The following SMG5 variants were observed in gnomAD, a reference collection of about 807,000 sequenced individuals.
The protein encoded by SMG5 is SMG5 nonsense mediated mRNA decay factor, also known as nonsense-mediated mRNA decay factor SMG5.
A neutral mutation model predicts 122.9 loss-of-function variants in SMG5; 53 were observed. The ratio of observed to expected loss-of-function variants is 0.43; its 90% confidence interval spans 0.35 to 0.54. SMG5 has a LOEUF of 0.54. SMG5 is among the 20% of genes least tolerant of loss of function. SMG5 has a pLI of 0.01. For missense variants in SMG5, 1,153 were observed against 1,285.6 expected (o/e 0.90, Z 1.58); for synonymous variants, 477 against 490.2 (o/e 0.97, Z 0.35).
intron 13 of SMG5, among the ~76,000 whole-genome samples, chr1:156,262,297 G>A (rs1661882487): frequency 6.6e-6 from 1 of 151,890 alleles, no homozygotes; most frequent in Non-Finnish European, 1.5e-5. Flanking sequence ...TGGCTAACAT[G>A]GTGAAACGCC....
At chr1:156,282,118 ATCGT>A (rs1470827551) in intron 1 of SMG5, among the ~76,000 whole-genome samples, 1 of 152,078 alleles carries the variant, frequency 6.6e-6, no homozygotes, top group Non-Finnish European at 1.5e-5. Flanking sequence ...TCCAATTCAA[ATCGT>A]TCTTTTTAAG....
At chr1:156,276,870 T>G (rs1662706785) in intron 4 of SMG5, among the ~76,000 whole-genome samples, 1 of 152,254 alleles carries the variant, frequency 6.6e-6, no homozygotes, top group Non-Finnish European at 1.5e-5. Flanking sequence ...CTCCTCTGCC[T>G]TAGTCCACAA....
intron 1 of SMG5, among the ~76,000 whole-genome samples, chr1:156,282,236 C>T (rs1662984144): frequency 6.6e-6 from 1 of 152,146 alleles, no homozygotes; most frequent in African/African-American, 2.4e-5. Context: ...TTGTAAATCC[C>T]CCAGGATTCC....
At chr1:156,271,577 T>C (rs1273239390) in intron 7 of SMG5, among the ~76,000 whole-genome samples, 1 of 143,460 alleles carries the variant, frequency 7.0e-6, no homozygotes, top group African/African-American at 2.6e-5. Flanking sequence ...TTTTTTTTTT[T>C]TTTTTTTTTT....
In SMG5 at chr1:156,282,736, C is replaced by T. The variant is rs900686695; in HGVS notation, c.-56G>A. Reference sequence around the variant, plus strand: ...ACAGGCCCCTGCCACCCACCACTACCGCCAACACTGCCGTCTCCGGCCGTA... The same window carrying T: ...ACAGGCCCCTGCCACCCACCACTACTGCCAACACTGCCGTCTCCGGCCGTA... On this transcript the variant is annotated 5_prime_UTR_variant, in exon 1 of 22. Coordinates refer to ENST00000361813, the MANE Select transcript of SMG5 (RefSeq NM_015327.3). 6 of 1,529,756 alleles carry T rather than the reference C, an allele frequency of 3.9e-6. No individual in the cohort carries two copies. In the African/African-American group the frequency reaches 5.5e-5, roughly 14 times the overall value. 94.8% of individuals were successfully genotyped at this position (1,529,756 alleles called of 1,614,324 possible). A position where few individuals can be genotyped will look rare whatever the true frequency, so the allele number is the denominator to read the frequency against.
rs1558239910 is a variant in SMG5, at chr1:156,267,456, A to G, written c.1117+14T>C. 2 of 1,613,124 alleles carry G rather than the reference A, an allele frequency of 1.2e-6. No homozygotes were observed. Among genetic ancestry groups the G allele is most frequent in the East Asian group, 4.5e-5 (2 of 44,880 alleles). ...AGCCAGTGGAAGAGAAAAGAGGAAC[A>G]TAGGGAAGGTTACCTGCTCTCTCCA... On this transcript the variant is annotated intron_variant, in intron 10 of 21. Transcript: ENST00000361813.
At chr1:156,252,743 T>G (rs887819326) in intron 18 of SMG5, among the ~76,000 whole-genome samples, 176 bp downstream of exon 18, 10 of 152,354 alleles carry the variant, frequency 6.6e-5, no homozygotes, top group Admixed American at 4.6e-4. Flanking sequence ...CCAACTGTCT[T>G]GTAAGGCAGA....
chr1:156,256,286 G>A (rs1265981799), intron 16 of SMG5, among the ~76,000 whole-genome samples: 2 of 149,978 alleles, frequency 1.3e-5, no homozygotes, highest in Admixed American at 1.3e-4. Context: ...GAAGGCCAGA[G>A]CCTAGGTGAG....
chr1:156,276,292 A>G (rs1662685384), intron 4 of SMG5, among the ~76,000 whole-genome samples: 1 of 151,902 alleles, frequency 6.6e-6, no homozygotes, highest in Non-Finnish European at 1.5e-5. Context: ...ATGCCCAGCT[A>G]ATTTTTATAT....
At position 156,263,580 on chromosome 1, in the gene SMG5, G is replaced by A. The variant is rs909849457; in HGVS notation, c.1856-10C>T. 6.2e-7 allele frequency: 1 copy of A among 1,610,154 alleles called. No individual in the cohort carries two copies. The highest frequency in any genetic ancestry group is 1.3e-5 in the African/African-American group (1 of 74,490). The stretch of plus-strand genomic sequence containing the variant: ...GAGCCCTCCTCAGAGGCTGGGGGGT[G>A]GGTGAATGGAAGAGAAAAAAACTGG... On this transcript the variant is annotated splice_polypyrimidine_tract_variant and intron_variant, in intron 12 of 21. Transcript: ENST00000361813.
At position 156,272,412 on chromosome 1, in the gene SMG5, G is replaced by C; in HGVS notation, c.635-14C>G. On this transcript the variant is annotated splice_polypyrimidine_tract_variant and intron_variant, in intron 6 of 21. Transcript: ENST00000361813. ...TGAAGGGCATTCCTAGGGAGAAAGA[G>C]AATTCATGCAGTCTAAGGCCACAAT... 1 of 1,592,822 alleles carries C rather than the reference G, an allele frequency of 6.3e-7. No homozygotes were observed.
At chr1:156,278,858 T>C in intron 2 of SMG5, 78 bp downstream of exon 2, 1 of 1,221,500 alleles carries the variant, frequency 8.2e-7, no homozygotes, top group Non-Finnish European at 1.2e-6. Flanking sequence ...AGAGTGCGTG[T>C]TTATATATCT....
Position 156,277,166 on chromosome 1 carries a change from G to T in SMG5, c.373C>A (p.Leu125Ile). 1.9e-6 allele frequency: 3 copies of T among 1,614,044 alleles called. No individual in the cohort carries two copies. The highest frequency in any genetic ancestry group is 1.7e-6 in the Non-Finnish European group (2 of 1,179,988). ...TAGTGGGACTGGATATAGAGAAGGA[G>T]ATGCTGGTAGAAGCCAATACCAGCA... ...LVAGIGFYQH[L>I]LLYIQSHYQL... Residue 125 changes from leucine (L) to isoleucine (I), a missense_variant, in exon 4 of 22, where the codon CTC (leucine) becomes ATC (isoleucine). Leu to Ile is a conservative substitution (Grantham distance 5). This residue lies in a region of SMG5 where 213 missense variants were observed against 197.5 expected (regional missense o/e 1.08). Transcript: ENST00000361813.
At position 156,250,053 on chromosome 1, in the gene SMG5, G is replaced by A. The variant is rs560381911; in HGVS notation, c.*534C>T. ...AACAGCCCCTGTGGCTGGCTCCAGA[G>A]CTGCCTGGTCCCCATAAAGGGGGCT... On this transcript the variant is annotated 3_prime_UTR_variant, in exon 22 of 22. Transcript: ENST00000361813. The A allele has an allele frequency of 1.3e-4, 54 of 418,022 alleles. No homozygotes were observed. Among genetic ancestry groups the A allele is most frequent in the African/African-American group, 8.3e-4 (41 of 49,146 alleles). 25.9% of individuals were successfully genotyped at this position (418,022 alleles called of 1,614,324 possible). A position where few individuals can be genotyped will look rare whatever the true frequency, so the allele number is the denominator to read the frequency against.
In SMG5 at chr1:156,260,576, G is replaced by A; in HGVS notation, c.2158C>T (p.Pro720Ser). The A allele has an allele frequency of 6.5e-7, 1 of 1,539,708 alleles. No homozygotes were observed. Among genetic ancestry groups the A allele is most frequent in the Non-Finnish European group, 8.7e-7 (1 of 1,149,824 alleles). ...AGCAGAAGGCTAGAGGGGAGGTCAG[G>A]CAGTTCACAACCTTCAAGAAGATCT... ...VQDLLEGCEL[P>S]DLPSSLLLPE... Residue 720 changes from proline to serine, a missense_variant, in exon 15 of 22, where the codon CCT becomes TCT. Around this residue, in one of 5 missense-constraint regions of SMG5, gnomAD observed 631 missense variants for 650.6 expected, o/e 0.97. Coordinates refer to ENST00000361813, the MANE Select transcript of SMG5 (RefSeq NM_015327.3).
At position 156,279,093 on chromosome 1, in the gene SMG5, C is replaced by T. The variant is rs374045021; in HGVS notation, c.75-59G>A. 104 of 1,383,212 alleles carry T rather than the reference C, an allele frequency of 7.5e-5. No homozygotes were observed. In the East Asian group the frequency reaches 8.9e-4, roughly 12 times the overall value. The allele number at this position is 1,383,212 out of a possible 1,614,324, so 85.7% of individuals were successfully genotyped here. ...CATATGCATGGTCCACAGAGGATGA[C>T]GCTGGGACACGATTCTAGAGGAAAA... is the stretch of plus-strand genomic sequence containing the variant. On this transcript the variant is annotated intron_variant, in intron 1 of 21. Transcript: ENST00000361813.
At chr1:156,280,595 G>C (rs1187477277) in intron 1 of SMG5, among the ~76,000 whole-genome samples, 3 of 152,222 alleles carry the variant, frequency 2.0e-5, no homozygotes. Context: ...CCCTAGGGCA[G>C]GGCTTTTATC....
chr1:156,253,515 G>A lies in SMG5; in HGVS notation c.2443-7C>T. On this transcript the variant is annotated splice_polypyrimidine_tract_variant and splice_region_variant and intron_variant, in intron 16 of 21. Transcript: ENST00000361813. ...GACGAGCTTCCTCCTGTGCCTATGA[G>A]GGAAAAAATGAGCTGTAAGGAGTTG... The A allele has an allele frequency of 1.9e-6, 3 of 1,613,986 alleles. No individual in the cohort carries two copies. The highest frequency in any genetic ancestry group is 1.7e-6 in the Non-Finnish European group (2 of 1,179,918).
At chr1:156,280,405 A>G (rs1341921718) in intron 1 of SMG5, among the ~76,000 whole-genome samples, 1 of 152,244 alleles carries the variant, frequency 6.6e-6, no homozygotes, top group East Asian at 1.9e-4. Context: ...AAGCTGCCCT[A>G]CACAGGGTGA....
Sources: allele counts gnomAD v4.1 joint callset (sites outside exome capture counted in the v4.1 genomes callset), GRCh38; gene constraint gnomAD v4.1.1; regional missense constraint gnomAD v4.1.1; transcripts MANE v1.5; gene names NCBI Gene and HGNC (gene_info 2026-07-23, HGNC 2026-07-21).